FAM161A: variants seen among roughly 807,000 people sequenced by gnomAD.
The protein encoded by FAM161A is FAM161 centrosomal protein A, also known as protein FAM161A.
A neutral mutation model predicts 70.9 loss-of-function variants in FAM161A; 57 were observed. The ratio of observed to expected loss-of-function variants is 0.80; its 90% CI spans 0.65 to 1.00. The LOEUF is 1.00. Ranked by LOEUF, FAM161A falls within the 50% of genes least tolerant of loss-of-function variation. The pLI is 0.00. For synonymous variants in FAM161A, 299 were observed against 295.7 expected (o/e 1.01, Z -0.12); for missense variants, 880 against 836.0 (o/e 1.05, Z -0.65).
At chr2:61,838,049 G>A (rs575443732) in intron 4 of FAM161A, among the ~76,000 whole-genome samples, 2 of 152,162 alleles carry the variant, frequency 1.3e-5, no homozygotes, top group Admixed American at 1.3e-4. Context: ...TAGTGAAGGG[G>A]TTCTAAGAAT....
chr2:61,838,664 T>A lies in FAM161A; in HGVS notation c.1625A>T (p.Asn542Ile), dbSNP rs1287274786. ...EEKKMLEEER[N>I]RILTKQKQRM... is the part of the protein sequence containing the mutation. ...TTGCTTCTGTTTAGTTAGGATCCGA[T>A]TTCTCTCTTCTTCCAACATTTTCTT... Residue 542 changes from asparagine to isoleucine, a missense_variant, in exon 4 of 7, where the codon AAT (asparagine) becomes ATT (isoleucine). Asn to Ile is a moderately radical substitution (Grantham distance 149). Transcript: ENST00000404929. 2 of 1,609,400 alleles carry A rather than the reference T, an allele frequency of 1.2e-6. No homozygotes were observed. Among genetic ancestry groups the A allele is most frequent in the Non-Finnish European group, 8.5e-7 (1 of 1,178,478 alleles).
downstream of FAM161A, among the ~76,000 whole-genome samples, chr2:61,822,247 A>G (rs1672217345): frequency 6.6e-6 from 1 of 152,028 alleles, no homozygotes; most frequent in South Asian, 2.1e-4. Context: ...CCTGGGCAAC[A>G]TAGCGAGACG....
At chr2:61,801,568 GTTTTT>G in the FAM161A span, among the ~76,000 whole-genome samples, 581 of 127,818 alleles carry the variant, frequency 4.5e-3, 2 homozygotes, top group African/African-American at 0.016. Flanking sequence ...GGTTTTTTTG[GTTTTT>G]TTTTTTTTTT....
rs1020671167 is a variant in FAM161A, at chr2:61,836,094, T to C, written c.1767A>G (p.Glu589=). ...RVKCLRKSEK[E]RMREYQRELE... Reference sequence around the variant, plus strand: ...GTTCTCGTTGGTATTCTCTCATCCTTTCCTTTTCGCTCTTTCTAAAATTAA... The same window carrying C: ...GTTCTCGTTGGTATTCTCTCATCCTCTCCTTTTCGCTCTTTCTAAAATTAA... The change falls in exon 5 of 7, where the codon GAA becomes GAG. Residue 589 remains glutamate (E), a synonymous_variant. Coordinates refer to ENST00000404929, the MANE Select transcript of FAM161A (RefSeq NM_001201543.2). 2 of 1,609,214 alleles carry C rather than the reference T, an allele frequency of 1.2e-6. No individual in the cohort carries two copies. Among genetic ancestry groups the C allele is most frequent in the African/African-American group, 2.7e-5 (2 of 74,658 alleles).
the FAM161A span, among the ~76,000 whole-genome samples, chr2:61,812,432 A>G: frequency 3.3e-5 from 5 of 152,168 alleles, no homozygotes; most frequent in Admixed American, 1.3e-4. Flanking sequence ...AAAACATTCC[A>G]TACTTTAGTC....
intron 5 of FAM161A, among the ~76,000 whole-genome samples, chr2:61,835,143 C>T (rs1468474838): frequency 2.0e-5 from 3 of 152,206 alleles, no homozygotes; most frequent in East Asian, 1.9e-4. Flanking sequence ...CTGGCAAGTA[C>T]AGTTCTGTAA....
the FAM161A span, chr2:61,803,284 A>G: frequency 3.2e-6 from 2 of 627,216 alleles, no homozygotes; most frequent in Non-Finnish European, 3.0e-6. Flanking sequence ...TGGCTTTGGC[A>G]TGATTTATGA....
intron 1 of FAM161A, among the ~76,000 whole-genome samples, chr2:61,853,301 C>A (rs925889954): frequency 6.6e-6 from 1 of 152,156 alleles, no homozygotes; most frequent in Non-Finnish European, 1.5e-5. Flanking sequence ...ACAATGAAAA[C>A]TGATCAGTGA....
the FAM161A span, among the ~76,000 whole-genome samples, chr2:61,810,784 T>A: frequency 5.3e-5 from 8 of 152,168 alleles, no homozygotes; most frequent in East Asian, 1.4e-3. Flanking sequence ...TCTGATCTGC[T>A]GTGCAGCCAA....
At chr2:61,843,604 A>G (rs999733506) in intron 1 of FAM161A, among the ~76,000 whole-genome samples, 2 of 152,228 alleles carry the variant, frequency 1.3e-5, no homozygotes, top group African/African-American at 4.8e-5. Flanking sequence ...ATGCAAAATG[A>G]AAAAATTTGC....
chr2:61,853,968 G>C lies in FAM161A; in HGVS notation c.74C>G (p.Ala25Gly), dbSNP rs1433311081. 2 of 1,613,868 alleles carry C rather than the reference G, an allele frequency of 1.2e-6. No homozygotes were observed. The highest frequency in any genetic ancestry group is 8.5e-7 in the Non-Finnish European group (1 of 1,179,824). Residue 25 changes from alanine to glycine, a missense_variant, in exon 1 of 7, where the codon GCG becomes GGG. Transcript: ENST00000404929. ...TTCGCGTTCGTACTGGGCGACCCGCGCTCCAGTGATGGGATTTACCGGGGT... is the reference window on the plus strand; with the variant it reads ...TTCGCGTTCGTACTGGGCGACCCGCCCTCCAGTGATGGGATTTACCGGGGT... The part of the protein sequence containing the change: ...LQTPVNPITG[A>G]RVAQYEREDP...
the FAM161A span, among the ~76,000 whole-genome samples, chr2:61,801,161 C>CA: frequency 1.3e-5 from 2 of 152,076 alleles, no homozygotes; most frequent in Admixed American, 1.3e-4. Flanking sequence ...TCACGGGAAA[C>CA]AATTTTCCTC....
chr2:61,815,754 T>C, the FAM161A span, among the ~76,000 whole-genome samples: 1 of 151,962 alleles, frequency 6.6e-6, no homozygotes, highest in East Asian at 1.9e-4. Context: ...TTTCACCAGG[T>C]TGGCCAGGCT....
chr2:61,841,918 A>G (rs1272800811), intron 2 of FAM161A, among the ~76,000 whole-genome samples: 1 of 152,230 alleles, frequency 6.6e-6, no homozygotes, highest in African/African-American at 2.4e-5. Flanking sequence ...GAAAAGACCA[A>G]ATGGCCACCA....
Position 61,826,483 on chromosome 2 carries a change from T to C in FAM161A, c.2123A>G (p.Glu708Gly). The change falls in exon 7 of 7, where the codon GAA becomes GGA. Residue 708 changes from glutamate (E) to glycine (G), a missense_variant. Physicochemically the swap from Glu to Gly is moderately conservative, Grantham distance 98. Transcript: ENST00000404929. ...GTGTGATTCTTCAACAGATTTCTCT[T>C]CTTCACTTTCCTCATTGGCTTCATC... ...EKDEANEESEEEKSVEESH is the reference protein window; with the variant it reads ...EKDEANEESEGEKSVEESH 1 of 1,610,118 alleles carries C rather than the reference T, an allele frequency of 6.2e-7. No homozygotes were observed. The highest frequency in any genetic ancestry group is 8.5e-7 in the Non-Finnish European group (1 of 1,177,602).
intron 4 of FAM161A, chr2:61,836,863 T>TG (rs1672794216): frequency 4.1e-6 from 1 of 244,798 alleles, no homozygotes; most frequent in Admixed American, 3.6e-5. Context: ...CATGAGCCAT[T>TG]GCGCCTGGCC....
At chr2:61,811,530 C>T in the FAM161A span, among the ~76,000 whole-genome samples, 6 of 152,102 alleles carry the variant, frequency 3.9e-5, no homozygotes, top group East Asian at 5.8e-4. Flanking sequence ...TGATCCACCA[C>T]GCCCTGCTAA....
At chr2:61,808,143 C>T in the FAM161A span, among the ~76,000 whole-genome samples, 1 of 152,154 alleles carries the variant, frequency 6.6e-6, no homozygotes, top group South Asian at 2.1e-4. Context: ...CTGCCAATCT[C>T]TGAGGGGGCA....
At chr2:61,842,089 T>C (rs777886575) in intron 2 of FAM161A, 33 bp downstream of exon 2, 1 of 1,281,470 alleles carries the variant, frequency 7.8e-7, no homozygotes, top group Non-Finnish European at 1.1e-6. Flanking sequence ...TTTTATTTTA[T>C]ACTCCACAAA....
Sources: allele counts gnomAD v4.1 joint callset (sites outside exome capture counted in the v4.1 genomes callset), GRCh38; gene constraint gnomAD v4.1.1; transcripts MANE v1.5; gene names NCBI Gene and HGNC (gene_info 2026-07-23, HGNC 2026-07-21).